COL4A1: variants seen among roughly 807,000 people sequenced by gnomAD.
COL4A1 encodes collagen alpha-1(IV) chain.
COL4A1 carries 40 observed loss-of-function variants against 216.6 expected under a neutral mutation model. The observed-to-expected ratio is 0.18, with a 90% CI of 0.14 to 0.24. COL4A1 has a LOEUF of 0.24. Ranked by LOEUF, COL4A1 falls within the 10% of genes least tolerant of loss-of-function variation. The pLI is 1.00. For synonymous variants in COL4A1, 839 were observed against 810.7 expected, an observed-to-expected ratio of 1.03 and a Z score of -0.59; for missense variants, 1,628 against 2,196.8, an observed-to-expected ratio of 0.74 and a Z score of 5.18.
In COL4A1 at chr13:110,200,834, A is replaced by G; in HGVS notation, c.1120+20T>C. On this transcript the variant is annotated intron_variant, in intron 20 of 51. Coordinates refer to ENST00000375820, the MANE Select transcript of COL4A1 (RefSeq NM_001845.6). ...GAAGGTGTGCAAGTATGCTATAACA[A>G]ATCAGTTAAGGAGTCTCACCTGGAG... is the stretch of plus-strand genomic sequence containing the variant. 1 of 1,613,092 alleles carries G rather than the reference A, an allele frequency of 6.2e-7. No homozygotes were observed. The highest frequency in any genetic ancestry group is 8.5e-7 in the Non-Finnish European group (1 of 1,179,040).
At chr13:110,184,507 G>A (rs1378806300) in intron 26 of COL4A1, among the ~76,000 whole-genome samples, 1 of 152,064 alleles carries the variant, frequency 6.6e-6, no homozygotes, top group African/African-American at 2.4e-5. Flanking sequence ...GACATTTCTG[G>A]GACGCTTCTA....
At chr13:110,232,100 G>A (rs956518967) in intron 2 of COL4A1, among the ~76,000 whole-genome samples, 5 of 152,152 alleles carry the variant, frequency 3.3e-5, no homozygotes, top group East Asian at 1.9e-4. Flanking sequence ...TTAGCTTCTC[G>A]TGTCAGATTC....
At chr13:110,260,909 C>G (rs1341221454) in intron 1 of COL4A1, among the ~76,000 whole-genome samples, 4 of 151,978 alleles carry the variant, frequency 2.6e-5, no homozygotes, top group African/African-American at 9.7e-5. Flanking sequence ...CGGTGGAGGG[C>G]ACCTGTAGTC....
At chr13:110,185,861 G>A (rs1377280750) in intron 26 of COL4A1, among the ~76,000 whole-genome samples, 2 of 152,182 alleles carry the variant, frequency 1.3e-5, no homozygotes, top group African/African-American at 4.8e-5. Context: ...TTGACCATGT[G>A]TTGTCAATGC....
intron 17 of COL4A1, among the ~76,000 whole-genome samples, chr13:110,204,026 A>G (rs1879371326): frequency 6.6e-6 from 1 of 152,230 alleles, no homozygotes; most frequent in African/African-American, 2.4e-5. Flanking sequence ...ATCATTTTAT[A>G]TGATGTTTTT....
chr13:110,152,158 C>T (rs1397469866), intron 51 of COL4A1, among the ~76,000 whole-genome samples, 176 bp downstream of exon 51: 1 of 152,116 alleles, frequency 6.6e-6, no homozygotes, highest in Non-Finnish European at 1.5e-5. Context: ...AAACCTGTGA[C>T]TGAAGGTCTG....
chr13:110,169,918 A>G (rs1308535148), intron 42 of COL4A1, among the ~76,000 whole-genome samples, 156 bp from the exon 43 acceptor site: 3 of 142,426 alleles, frequency 2.1e-5, no homozygotes, highest in East Asian at 4.7e-4. Context: ...CAGGTCCAGG[A>G]AGGAAGGAAG....
At chr13:110,259,618 A>G (rs1388379186) in intron 1 of COL4A1, among the ~76,000 whole-genome samples, 5 of 152,218 alleles carry the variant, frequency 3.3e-5, no homozygotes, top group Non-Finnish European at 7.3e-5. Context: ...TGCTGAGCTT[A>G]TTGTCCAGTT....
At chr13:110,271,352 C>G (rs185265896) in intron 1 of COL4A1, among the ~76,000 whole-genome samples, 1 of 152,186 alleles carries the variant, frequency 6.6e-6, no homozygotes, top group African/African-American at 2.4e-5. Flanking sequence ...ATATTAGGAG[C>G]CAAAGAAAAA....
chr13:110,218,622 A>G (rs1440306967), intron 2 of COL4A1, among the ~76,000 whole-genome samples: 1 of 152,216 alleles, frequency 6.6e-6, no homozygotes, highest in Admixed American at 6.5e-5. Context: ...GTAGGATTCC[A>G]CATACGAATC....
intron 2 of COL4A1, among the ~76,000 whole-genome samples, chr13:110,233,441 A>T (rs775105200): frequency 6.6e-5 from 10 of 152,150 alleles, no homozygotes; most frequent in Non-Finnish European, 1.0e-4. Flanking sequence ...CTGAGTGTCA[A>T]AGTCAGATAC....
In COL4A1 at chr13:110,219,714, GTA is replaced by G. The variant is rs1279088270; in HGVS notation, c.145-5701_145-5700del. 4.6e-3 allele frequency among the ~76,000 whole-genome samples: 230 copies of G among 49,594 alleles called. 2 individuals carry two copies. The highest frequency in any genetic ancestry group is 0.012 in the African/African-American group (186 of 15,396). The allele number at this position is 49,594 out of a possible 152,430, so 32.5% of individuals were successfully genotyped here. On this transcript the variant is annotated intron_variant, in intron 2 of 51. Transcript: ENST00000375820. The stretch of plus-strand genomic sequence containing the variant: ...TGTATATATATGTATATACATATGT[GTA>G]TATATATGTGTGTATATATATGTAT...
rs9515163 is a variant in COL4A1 at position 110,192,649 on chromosome 13, A to G, written c.1465+181T>C. Among the ~76,000 whole-genome samples, 34,273 of 152,118 alleles carry G rather than the reference A, an allele frequency of 0.23. 4,579 individuals are homozygous for G. Among genetic ancestry groups the G allele is most frequent in the Admixed American group, 0.32 (4,827 of 15,280 alleles). On this transcript the variant is annotated intron_variant, in intron 23 of 51. Coordinates refer to ENST00000375820, the MANE Select transcript of COL4A1 (RefSeq NM_001845.6). The stretch of plus-strand genomic sequence containing the variant: ...TTTATTAGGAAATCTTTATGAGGCC[A>G]TCTTGATCATTCCCAGCAATGTGGA...
At chr13:110,279,734 C>T (rs1234585353) in intron 1 of COL4A1, among the ~76,000 whole-genome samples, 2 of 152,204 alleles carry the variant, frequency 1.3e-5, no homozygotes, top group Non-Finnish European at 1.5e-5. Flanking sequence ...TTAAGTTTTG[C>T]TGTTGTTGTT....
At chr13:110,219,678 G>GTATATATATA (rs1555307861) in intron 2 of COL4A1, among the ~76,000 whole-genome samples, 1 of 123,236 alleles carries the variant, frequency 8.1e-6, no homozygotes, top group Non-Finnish European at 1.6e-5. Flanking sequence ...ATATATATAT[G>GTATATATATA]TGTATATATA....
At chr13:110,236,521 G>A (rs1035612705) in intron 2 of COL4A1, among the ~76,000 whole-genome samples, 25 of 152,224 alleles carry the variant, frequency 1.6e-4, no homozygotes, top group African/African-American at 6.0e-4. Context: ...AAAGGGAAAA[G>A]AAGATGCCTC....
Position 110,194,992 on chromosome 13 carries a change from C to A in COL4A1, c.1381+31G>T. On this transcript the variant is annotated intron_variant, in intron 22 of 51. Coordinates refer to ENST00000375820, the MANE Select transcript of COL4A1 (RefSeq NM_001845.6). ...GAAAAAATCATACGCAAAGACACAA[C>A]CACCATTTTAAAAAAATCAAAATTT... 6 of 1,588,478 alleles carry A rather than the reference C, an allele frequency of 3.8e-6. 1 individual carries two copies. In the East Asian group the frequency reaches 1.3e-4, roughly 36 times the overall value.
rs954275347 is a variant in COL4A1 at position 110,164,031 on chromosome 13, C to G, written c.4151-470G>C. Among the ~76,000 whole-genome samples the G allele has an allele frequency of 2.0e-5, 3 of 147,130 alleles. No individual in the cohort carries two copies. The Admixed American group carries it at 2.0e-4, about 10-fold the overall frequency. ...TGAGACAGGGTCTCGCTCTGTCACCCAGGCTGGAGTGCAGTGGTGTGACCA... is the reference window on the plus strand; with the variant it reads ...TGAGACAGGGTCTCGCTCTGTCACCGAGGCTGGAGTGCAGTGGTGTGACCA... On this transcript the variant is annotated intron_variant, in intron 46 of 51. Coordinates refer to ENST00000375820, the MANE Select transcript of COL4A1 (RefSeq NM_001845.6).
At chr13:110,160,566 G>C (rs555428560) in intron 49 of COL4A1, among the ~76,000 whole-genome samples, 1 of 152,150 alleles carries the variant, frequency 6.6e-6, no homozygotes, top group African/African-American at 2.4e-5. Flanking sequence ...CTGTTCCAAC[G>C]CTTGCTGAAG....
Sources: allele counts gnomAD v4.1 joint callset (sites outside exome capture counted in the v4.1 genomes callset), GRCh38; gene constraint gnomAD v4.1.1; transcripts MANE v1.5; gene names NCBI Gene and HGNC (gene_info 2026-07-23, HGNC 2026-07-21).